Variants in GRIK4 observed in about 807,000 individuals in gnomAD.
GRIK4 encodes the protein glutamate receptor ionotropic, kainate 4.
In GRIK4, 40 loss-of-function variants were observed where a neutral mutation model predicts 104.9. The observed-to-expected ratio is 0.38, with a 90% confidence interval of 0.30 to 0.50. The LOEUF is 0.50. GRIK4 is among the 20% of genes least tolerant of loss of function. The pLI is 0.93. For synonymous variants in GRIK4, 485 were observed against 524.9 expected, an observed-to-expected ratio of 0.92 and a Z score of 1.04; for missense variants, 1,047 against 1,308.1, an observed-to-expected ratio of 0.80 and a Z score of 3.08.
intron 3 of GRIK4, among the ~76,000 whole-genome samples, chr11:120,747,737 TA>T (rs1280687438): frequency 6.6e-6 from 1 of 152,264 alleles, no homozygotes; most frequent in Non-Finnish European, 1.5e-5. Context: ...GTATTGTGGT[TA>T]ATATTGTGAA....
At chr11:120,720,348 C>T (rs1437168649) in intron 3 of GRIK4, among the ~76,000 whole-genome samples, 1 of 152,180 alleles carries the variant, frequency 6.6e-6, no homozygotes, top group Admixed American at 6.5e-5. Context: ...TGCAGACATC[C>T]TTTGATGTGC....
chr11:120,599,761 G>A (rs1358861033), intron 1 of GRIK4, among the ~76,000 whole-genome samples: 1 of 152,232 alleles, frequency 6.6e-6, no homozygotes, highest in Non-Finnish European at 1.5e-5. Context: ...TCTCCTTTCA[G>A]CAGGGAGAGA....
intron 1 of GRIK4, among the ~76,000 whole-genome samples, chr11:120,516,733 A>G (rs1013827819): frequency 2.0e-5 from 3 of 152,138 alleles, no homozygotes; most frequent in African/African-American, 7.2e-5. Flanking sequence ...GCAGCAGATG[A>G]AGGAGCCGGA....
rs151104541 is a variant in GRIK4, at chr11:120,836,773, C to T, written c.691-18C>T. 7.0e-6 allele frequency: 11 copies of T among 1,580,026 alleles called. No individual in the cohort carries two copies. In the East Asian group the frequency reaches 2.5e-4, roughly 35 times the overall value. ...AGTTTTTGTTTTCTTCTCTAATCTC[C>T]TTCTCTTCGCCTTGCAGGCAGCCGA... On this transcript the variant is annotated intron_variant, in intron 7 of 20. Coordinates refer to ENST00000527524, the MANE Select transcript of GRIK4 (RefSeq NM_014619.5).
At chr11:120,798,123 G>A (rs1952554907) in intron 3 of GRIK4, among the ~76,000 whole-genome samples, 1 of 151,086 alleles carries the variant, frequency 6.6e-6, no homozygotes, top group African/African-American at 2.4e-5. Context: ...ATCCTCACGT[G>A]GCGGAGAGAA....
At chr11:120,543,895 A>G (rs535942644) in intron 1 of GRIK4, among the ~76,000 whole-genome samples, 1 of 152,354 alleles carries the variant, frequency 6.6e-6, no homozygotes, top group East Asian at 1.9e-4. Flanking sequence ...CAGAAAGACA[A>G]ATATTGTATG....
chr11:120,549,211 G>A lies in GRIK4; in HGVS notation c.-159+37324G>A, dbSNP rs796960757. Among the ~76,000 whole-genome samples, 1 of 151,960 alleles carries A rather than the reference G, an allele frequency of 6.6e-6. No homozygotes were observed. Among genetic ancestry groups the A allele is most frequent in the East Asian group, 1.9e-4 (1 of 5,180 alleles). Reference sequence around the variant, plus strand: ...CTTCCTGGGTTCAAGCAATTCTACTGCCTCAGCCTCCCAAGTAGCTGGGAT... The same window carrying A: ...CTTCCTGGGTTCAAGCAATTCTACTACCTCAGCCTCCCAAGTAGCTGGGAT... On this transcript the variant is annotated intron_variant, in intron 1 of 20. Coordinates refer to ENST00000527524, the MANE Select transcript of GRIK4 (RefSeq NM_014619.5). This position sits in a 1 kb window ranked among gnomAD's most constrained non-coding sequence, Gnocchi z 4.7.
chr11:120,839,523 G>A (rs998398219), intron 8 of GRIK4, among the ~76,000 whole-genome samples: 2 of 152,214 alleles, frequency 1.3e-5, no homozygotes, highest in African/African-American at 4.8e-5. Flanking sequence ...TTAGGAGAAG[G>A]TGTTATTTTA....
At chr11:120,661,862 C>A (rs939117047) in intron 3 of GRIK4, among the ~76,000 whole-genome samples, 2 of 152,138 alleles carry the variant, frequency 1.3e-5, no homozygotes, top group African/African-American at 4.8e-5. Context: ...ACAAAATTTT[C>A]CCTCCCTCTT....
intron 8 of GRIK4, among the ~76,000 whole-genome samples, chr11:120,845,891 T>G (rs1953840489): frequency 6.6e-6 from 1 of 152,214 alleles, no homozygotes. Flanking sequence ...TGAAAGCTCC[T>G]TGTGTGTCAG....
At chr11:120,512,543 C>T (rs117497913) in intron 1 of GRIK4, among the ~76,000 whole-genome samples, 3,018 of 152,092 alleles carry the variant, frequency 0.02, 45 homozygotes, top group South Asian at 0.038. Flanking sequence ...ATCCTCTTTC[C>T]CGGGGAGAAT....
intron 1 of GRIK4, among the ~76,000 whole-genome samples, chr11:120,599,138 G>A (rs1321137128): frequency 6.6e-6 from 1 of 152,250 alleles, no homozygotes; most frequent in Admixed American, 6.5e-5. Context: ...GGGATATCAC[G>A]AGGCTGTGCC....
intron 3 of GRIK4, among the ~76,000 whole-genome samples, chr11:120,745,237 G>C (rs1951418511): frequency 6.6e-6 from 1 of 152,160 alleles, no homozygotes; most frequent in Non-Finnish European, 1.5e-5. Context: ...CTTACTCCTG[G>C]ATCCTGTGAT....
intron 1 of GRIK4, chr11:120,576,693 G>C (rs946300288): frequency 6.6e-6 from 1 of 152,448 alleles, no homozygotes; most frequent in African/African-American, 2.4e-5. Flanking sequence ...CCCTAGACAG[G>C]GGCAGGTGGC....
intron 3 of GRIK4, among the ~76,000 whole-genome samples, chr11:120,752,430 G>A (rs1049998283): frequency 1.3e-5 from 2 of 152,134 alleles, no homozygotes; most frequent in African/African-American, 4.8e-5. Context: ...CACACAGCCC[G>A]CCAAGGTGGG....
chr11:120,722,751 C>G (rs1292003294), intron 3 of GRIK4, among the ~76,000 whole-genome samples: 1 of 152,214 alleles, frequency 6.6e-6, no homozygotes, highest in Non-Finnish European at 1.5e-5. Flanking sequence ...CCTGGCTACA[C>G]GTTGCTCTTC....
At chr11:120,828,543 GAA>G (rs968989006) in intron 6 of GRIK4, among the ~76,000 whole-genome samples, 2 of 152,258 alleles carry the variant, frequency 1.3e-5, no homozygotes, top group African/African-American at 4.8e-5. Context: ...TTATTCCACA[GAA>G]AAGGAAACTG....
intron 4 of GRIK4, among the ~76,000 whole-genome samples, chr11:120,808,725 A>G (rs538710842): frequency 6.6e-6 from 1 of 152,280 alleles, no homozygotes; most frequent in South Asian, 2.1e-4. Context: ...GGAAGTGATG[A>G]GGCAATTGTT....
At chr11:120,871,552 A>C (rs1440853921) in intron 9 of GRIK4, 1 of 455,804 alleles carries the variant, frequency 2.2e-6, no homozygotes, top group East Asian at 7.0e-5. Context: ...CCATGGTGAG[A>C]ATTGGGTGTC....
Sources: gnomAD v4.1 joint callset for allele counts (sites outside exome capture counted in the v4.1 genomes callset) on GRCh38, gnomAD v4.1.1 for gene constraint, Gnocchi (gnomAD v3.1) non-coding constraint, MANE v1.5 for transcripts, NCBI Gene and HGNC (gene_info 2026-07-23, HGNC 2026-07-21) for gene names.